The following SRGAP2C variants were observed in gnomAD, a reference collection of about 807,000 sequenced individuals.
The protein encoded by SRGAP2C is SLIT-ROBO Rho GTPase activating protein 2C.
SRGAP2C carries 15 observed loss-of-function variants against 25.1 expected under a neutral mutation model. The ratio of observed to expected loss-of-function variants is 0.60; its 90% CI spans 0.40 to 0.92. The LOEUF is 0.92. Among genes scored for constraint, SRGAP2C ranks in the 40% least tolerant of loss-of-function variants. SRGAP2C has a pLI of 0.00. For synonymous variants in SRGAP2C, 44 were observed against 96.6 expected, an observed-to-expected ratio of 0.46 and a Z score of 3.19; for missense variants, 144 against 264.4, an observed-to-expected ratio of 0.54 and a Z score of 3.16.
At chr1:121,280,013 T>C (rs1249864910) in intron 2 of SRGAP2C, among the ~76,000 whole-genome samples, 2 of 151,912 alleles carry the variant, frequency 1.3e-5, no homozygotes, top group African/African-American at 4.8e-5. Context: ...AATTTTTTAA[T>C]CTTTTTTTTC....
chr1:121,295,572 C>T (rs1336257276), intron 3 of SRGAP2C, among the ~76,000 whole-genome samples: 3 of 152,046 alleles, frequency 2.0e-5, no homozygotes, highest in Non-Finnish European at 4.4e-5. Context: ...ATGGAAAGCA[C>T]CTGGTGCAGG....
At chr1:121,224,117 G>T (rs1253662634) in intron 2 of SRGAP2C, among the ~76,000 whole-genome samples, 3 of 150,576 alleles carry the variant, frequency 2.0e-5, no homozygotes, top group African/African-American at 2.4e-5. Flanking sequence ...GCCTCTGAGC[G>T]TGCATCATCT....
intron 2 of SRGAP2C, among the ~76,000 whole-genome samples, chr1:121,208,012 G>A (rs1484849601): frequency 4.0e-5 from 6 of 151,576 alleles, no homozygotes; most frequent in Non-Finnish European, 8.9e-5. Flanking sequence ...CCCTGGGTAA[G>A]TCTCTAACCT....
chr1:121,305,336 CG>C (rs1432126655), intron 3 of SRGAP2C, among the ~76,000 whole-genome samples: 2 of 101,384 alleles, frequency 2.0e-5, no homozygotes, highest in African/African-American at 7.9e-5. Flanking sequence ...CATGAAGCCC[CG>C]GGGCACTGCA....
intron 3 of SRGAP2C, among the ~76,000 whole-genome samples, chr1:121,288,542 C>T (rs1657425082): frequency 3.3e-5 from 2 of 60,038 alleles, no homozygotes; most frequent in Non-Finnish European, 6.2e-5. Flanking sequence ...ACTTACAGTC[C>T]TTGAGCTAGA....
intron 2 of SRGAP2C, among the ~76,000 whole-genome samples, chr1:121,267,339 G>A (rs1553334502): frequency 6.6e-6 from 1 of 150,804 alleles, no homozygotes; most frequent in Non-Finnish European, 1.5e-5. Context: ...GCTTACAGGT[G>A]CACCACCATG....
At chr1:121,216,375 A>G (rs1187186659) in intron 2 of SRGAP2C, among the ~76,000 whole-genome samples, 1 of 152,196 alleles carries the variant, frequency 6.6e-6, no homozygotes. Context: ...TTGTGCCCCA[A>G]GAGAGCTTTC....
chr1:121,238,480 A>G (rs587666568), intron 2 of SRGAP2C, among the ~76,000 whole-genome samples: 89 of 152,238 alleles, frequency 5.8e-4, no homozygotes, highest in African/African-American at 2.0e-3. Flanking sequence ...ACAGTCTACT[A>G]CTGCGAGAGT....
chr1:121,287,603 C>T (rs1657398877), intron 3 of SRGAP2C, among the ~76,000 whole-genome samples: 1 of 152,052 alleles, frequency 6.6e-6, no homozygotes, highest in African/African-American at 2.4e-5. Flanking sequence ...GTATTTGTTA[C>T]AAATTAAGGT....
chr1:121,222,512 G>C (rs116816580), intron 2 of SRGAP2C, among the ~76,000 whole-genome samples: 8,902 of 152,046 alleles, frequency 0.059, 886 homozygotes, highest in African/African-American at 0.2. Flanking sequence ...AACTGTGGTC[G>C]CAGGTACTTG....
chr1:121,324,470 C>T lies in SRGAP2C; in HGVS notation c.261-8C>T. 3 of 1,610,310 alleles carry T rather than the reference C, an allele frequency of 1.9e-6. No homozygotes were observed. Among genetic ancestry groups the T allele is most frequent in the East Asian group, 2.2e-5 (1 of 44,858 alleles). On this transcript the variant is annotated splice_region_variant and splice_polypyrimidine_tract_variant and intron_variant, in intron 3 of 9. Coordinates refer to ENST00000367123, the MANE Select transcript of SRGAP2C (RefSeq NM_001329984.2). ...CAATGACTTCTTTTCCTTGATGTTT[C>T]TTCACAGGAAGGATCAGAATGTTCT...
intron 2 of SRGAP2C, among the ~76,000 whole-genome samples, chr1:121,259,783 G>A (rs1656570177): frequency 6.7e-6 from 1 of 148,688 alleles, no homozygotes; most frequent in Non-Finnish European, 1.5e-5. Context: ...GGAGCATCAA[G>A]AATGCTGGGT....
At chr1:121,231,591 A>AT (rs1185185471) in intron 2 of SRGAP2C, among the ~76,000 whole-genome samples, 1 of 151,314 alleles carries the variant, frequency 6.6e-6, no homozygotes, top group Non-Finnish European at 1.5e-5. Context: ...ATTTAGCGTT[A>AT]TTAGTACCAC....
intron 2 of SRGAP2C, among the ~76,000 whole-genome samples, chr1:121,222,336 G>A (rs1490007422): frequency 1.3e-5 from 2 of 152,052 alleles, no homozygotes; most frequent in African/African-American, 4.8e-5. Flanking sequence ...GAAGTAAATT[G>A]AAATGGGTTT....
intron 3 of SRGAP2C, among the ~76,000 whole-genome samples, chr1:121,312,553 T>C (rs1183308809): frequency 9.2e-6 from 1 of 109,230 alleles, no homozygotes; most frequent in African/African-American, 3.5e-5. Context: ...CTTTCTCTTG[T>C]GGGCATTTAG....
rs61803326 is a variant in SRGAP2C, at chr1:121,218,776, G to A, written c.67+31263G>A. ...GGGGAAAAAAAAAGTGAATGTACAC[G>A]TATTCACAAATCTTTTTATGTGGGC... On this transcript the variant is annotated intron_variant, in intron 2 of 9. Transcript: ENST00000367123. Among the ~76,000 whole-genome samples, 45 of 152,180 alleles carry A rather than the reference G, an allele frequency of 3.0e-4. No individual in the cohort carries two copies. The East Asian group carries it at 5.4e-3, about 18-fold the overall frequency.
At chr1:121,199,646 C>T (rs1553321351) in intron 2 of SRGAP2C, among the ~76,000 whole-genome samples, 2 of 81,526 alleles carry the variant, frequency 2.5e-5, no homozygotes, top group Admixed American at 1.2e-4. Context: ...CAAAAATTAG[C>T]TGGGCATGGT....
chr1:121,366,280 T>A (rs587623962), intron 5 of SRGAP2C, among the ~76,000 whole-genome samples: 75 of 148,600 alleles, frequency 5.0e-4, no homozygotes, highest in African/African-American at 1.7e-3. Context: ...TCTTTTCTTT[T>A]CTTCCTTTGT....
chr1:121,295,496 T>C (rs1197161651), intron 3 of SRGAP2C, among the ~76,000 whole-genome samples: 1 of 151,668 alleles, frequency 6.6e-6, no homozygotes, highest in Admixed American at 6.6e-5. Context: ...TATATCTTCT[T>C]ACCATGTGCC....
Sources: gnomAD v4.1 joint callset for allele counts (sites outside exome capture counted in the v4.1 genomes callset) on GRCh38, gnomAD v4.1.1 for gene constraint, MANE v1.5 for transcripts, NCBI Gene and HGNC (gene_info 2026-07-23, HGNC 2026-07-21) for gene names.